Variants in GALNS observed in about 807,000 individuals in gnomAD.
The protein encoded by GALNS is galactosamine (N-acetyl)-6-sulfatase, also known as N-acetylgalactosamine-6-sulfatase.
In GALNS, 65 loss-of-function variants were observed where a neutral mutation model predicts 65.9. That is an observed-to-expected ratio of 0.99 (90% CI 0.81 to 1.21). The LOEUF (loss-of-function observed/expected upper bound fraction) is 1.21, where lower values mean the gene tolerates loss of function less well. GALNS is among the 50% of genes most tolerant of loss of function. The probability of loss-of-function intolerance (pLI) is 0.00; values close to 1 mark genes in which losing one functional copy is unlikely to be tolerated. For missense variants in GALNS, 776 were observed against 700.7 expected, an observed-to-expected ratio of 1.11 and a Z score of -1.21; for synonymous variants, 346 against 288.9, an observed-to-expected ratio of 1.20 and a Z score of -2.00.
In GALNS at chr16:88,819,225, G is replaced by A. The variant is rs375303703; in HGVS notation, c.1365-1101C>T. On this transcript the variant is annotated intron_variant, in intron 12 of 13. Coordinates refer to ENST00000268695, the MANE Select transcript of GALNS (RefSeq NM_000512.5). ...CACCTGCCCCAGCCTCTTTCTGCTC[G>A]ATCCACCCACTCCCTGCTTAGGCCT... Among the ~76,000 whole-genome samples the A allele has an allele frequency of 1.4e-4, 20 of 143,644 alleles. No homozygotes were observed. In the East Asian group the frequency reaches 4.5e-3, roughly 33 times the overall value. 94.2% of individuals were successfully genotyped at this position (143,644 alleles called of 152,430 possible).
chr16:88,831,947 T>C, intron 9 of GALNS, 51 bp downstream of exon 9: 1 of 1,508,546 alleles, frequency 6.6e-7, no homozygotes, highest in Non-Finnish European at 9.2e-7. Flanking sequence ...CACCCTGGGA[T>C]GGCTGCAGGC....
intron 2 of GALNS, 161 bp from the exon 3 acceptor site, chr16:88,842,132 C>T (rs1000194502): frequency 2.8e-6 from 2 of 725,766 alleles, no homozygotes; most frequent in Non-Finnish European, 5.0e-6. Context: ...GCGTCTCCAC[C>T]ACCTGGGTGG....
In GALNS at chr16:88,829,784, G is replaced by A. The variant is rs141583310; in HGVS notation, c.1002+2214C>T. The stretch of plus-strand genomic sequence containing the variant: ...GAGTGGGGAAGAGGAGGATCTGGCA[G>A]AACAGCAGCCAATCCCTGGGCCTTC... On this transcript the variant is annotated intron_variant, in intron 9 of 13. Coordinates refer to ENST00000268695, the MANE Select transcript of GALNS (RefSeq NM_000512.5). Among the ~76,000 whole-genome samples the A allele has an allele frequency of 2.0e-5, 3 of 152,288 alleles. No homozygotes were observed. In the East Asian group the frequency reaches 5.8e-4, roughly 29 times the overall value.
chr16:88,818,284 G>A (rs1331278083), intron 12 of GALNS, among the ~76,000 whole-genome samples, 160 bp from the exon 13 acceptor site: 4 of 152,172 alleles, frequency 2.6e-5, no homozygotes, highest in East Asian at 1.9e-4. Context: ...CCCGGGCCTC[G>A]CTAGGACAGG....
Position 88,813,942 on chromosome 16 carries a change from A to T in GALNS, c.*497T>A, listed in dbSNP as rs1234602189. ...CCGTTCCCTTACTGTTTACATAAAAATGCGGATTCACTGGGCCAGACTCAA... is the reference window on the plus strand; with the variant it reads ...CCGTTCCCTTACTGTTTACATAAAATTGCGGATTCACTGGGCCAGACTCAA... On this transcript the variant is annotated 3_prime_UTR_variant, in exon 14 of 14. Transcript: ENST00000268695. The T allele has an allele frequency of 1.5e-5, 3 of 204,084 alleles. No individual in the cohort carries two copies. Among genetic ancestry groups the T allele is most frequent in the Non-Finnish European group, 2.0e-5 (2 of 97,824 alleles). 12.6% of individuals were successfully genotyped at this position (204,084 alleles called of 1,614,324 possible). A position where few individuals can be genotyped will look rare whatever the true frequency, so the allele number is the denominator to read the frequency against.
At chr16:88,817,552 C>G (rs1433237651) in intron 13 of GALNS, 1 of 982,238 alleles carries the variant, frequency 1.0e-6, no homozygotes, top group African/African-American at 1.7e-5. Flanking sequence ...CCGGGACCCA[C>G]CGGGCAGTGC....
intron 12 of GALNS, among the ~76,000 whole-genome samples, chr16:88,818,812 G>A (rs1909906564): frequency 6.6e-6 from 1 of 152,246 alleles, no homozygotes; most frequent in Non-Finnish European, 1.5e-5. Context: ...AAAGACACCT[G>A]CCATCGCTGC....
chr16:88,844,481 T>A (rs1967143887), intron 1 of GALNS: 1 of 152,300 alleles, frequency 6.6e-6, no homozygotes, highest in African/African-American at 2.4e-5. Flanking sequence ...AGGAGCCTGG[T>A]AGAAGCCAAC....
At chr16:88,829,063 G>C (rs1178661300) in intron 9 of GALNS, among the ~76,000 whole-genome samples, 1 of 120,324 alleles carries the variant, frequency 8.3e-6, no homozygotes, top group Non-Finnish European at 1.8e-5. Context: ...AGCTACACGG[G>C]TCCCGAGTCT....
rs954302220 is a variant in GALNS, at chr16:88,816,478, G to A, written c.1482+1529C>T. The A allele has an allele frequency of 2.1e-5, 21 of 985,310 alleles. No homozygotes were observed. In the South Asian group the frequency reaches 5.2e-4, roughly 24 times the overall value. The allele number at this position is 985,310 out of a possible 1,614,324, so 61.0% of individuals were successfully genotyped here. A position where few individuals can be genotyped will look rare whatever the true frequency, so the allele number is the denominator to read the frequency against. ...AGCTGCCCAGGTCCCTTTGAAGGAA[G>A]GGCCCTGAATATCTTCCTATGAAAC... On this transcript the variant is annotated intron_variant, in intron 13 of 13. Transcript: ENST00000268695.
chr16:88,848,807 G>A (rs115744622), intron 1 of GALNS, among the ~76,000 whole-genome samples: 5,929 of 152,318 alleles, frequency 0.039, 372 homozygotes, highest in African/African-American at 0.14. Flanking sequence ...AGGGATGGGC[G>A]CTGGGCCCCG....
intron 1 of GALNS, chr16:88,854,990 CAT>C (rs1184310601): frequency 1.8e-5 from 6 of 338,752 alleles, no homozygotes; most frequent in Non-Finnish European, 2.9e-5. Context: ...CCCTCCCCCA[CAT>C]GTGCCCCGGT....
chr16:88,820,336 C>G (rs966862688), intron 12 of GALNS, among the ~76,000 whole-genome samples: 1 of 151,986 alleles, frequency 6.6e-6, no homozygotes, highest in Non-Finnish European at 1.5e-5. Context: ...ACCATGTAGG[C>G]CAGGCTGGTC....
intron 9 of GALNS, among the ~76,000 whole-genome samples, chr16:88,830,141 G>C (rs568512670): frequency 6.8e-6 from 1 of 147,160 alleles, no homozygotes; most frequent in African/African-American, 2.5e-5. Flanking sequence ...TGAGGCAGGA[G>C]AATCGCTTGA....
At chr16:88,818,272 G>T in intron 12 of GALNS, 148 bp from the exon 13 acceptor site, 2 of 720,066 alleles carry the variant, frequency 2.8e-6, no homozygotes, top group Non-Finnish European at 4.9e-6. Flanking sequence ...GCCTGCAGCG[G>T]CCCCGGGCCT....
chr16:88,819,675 G>C (rs1183805658), intron 12 of GALNS, among the ~76,000 whole-genome samples: 1 of 152,084 alleles, frequency 6.6e-6, no homozygotes, highest in Non-Finnish European at 1.5e-5. Flanking sequence ...TGGGACCATA[G>C]ATCACTGTGC....
rs1455872767 is a variant in GALNS at position 88,837,057 on chromosome 16, C to T, written c.566+565G>A. Among the ~76,000 whole-genome samples the T allele has an allele frequency of 5.3e-5, 8 of 152,232 alleles. No homozygotes were observed. In the East Asian group the frequency reaches 5.8e-4, roughly 11 times the overall value. ...GCAAGCTGGTGCTGCTTCTGGTCAC[C>T]GTCATGTAATGAATGAGCACTTCCG... On this transcript the variant is annotated intron_variant, in intron 5 of 13. Transcript: ENST00000268695.
chr16:88,850,824 TG>T, intron 1 of GALNS, among the ~76,000 whole-genome samples: 1 of 152,338 alleles, frequency 6.6e-6, no homozygotes, highest in South Asian at 2.1e-4. Context: ...CGCCTCTGCC[TG>T]GCATGTGCCG....
At chr16:88,826,253 G>T (rs1910894973) in intron 10 of GALNS, among the ~76,000 whole-genome samples, 1 of 150,658 alleles carries the variant, frequency 6.6e-6, no homozygotes, top group Non-Finnish European at 1.5e-5. Flanking sequence ...GCAGGCAGGG[G>T]TGGCATGTGC....
Sources: allele counts gnomAD v4.1 joint callset (sites outside exome capture counted in the v4.1 genomes callset), GRCh38; gene constraint gnomAD v4.1.1; transcripts MANE v1.5; gene names NCBI Gene and HGNC (gene_info 2026-07-23, HGNC 2026-07-21).